Variants in ISM1 observed in about 807,000 individuals in gnomAD.
ISM1 encodes the protein isthmin 1.
A neutral mutation model predicts 46.3 loss-of-function variants in ISM1; 25 were observed. The observed-to-expected ratio is 0.54, with a 90% CI of 0.39 to 0.75. ISM1 has a LOEUF of 0.75. Among genes scored for constraint, ISM1 ranks in the 30% least tolerant of loss-of-function variants. ISM1 has a pLI of 0.00. For synonymous variants in ISM1, 255 were observed against 256.7 expected (o/e 0.99, Z 0.06); for missense variants, 536 against 625.4 (o/e 0.86, Z 1.52).
chr20:13,302,028 TAAG>T (rs1337937211), downstream of ISM1, among the ~76,000 whole-genome samples: 21 of 152,222 alleles, frequency 1.4e-4, no homozygotes, highest in African/African-American at 5.1e-4. Context: ...AAGAAATAGG[TAAG>T]TACTTGGTGT....
chr20:13,255,004 C>T (rs1438526052), intron 1 of ISM1, among the ~76,000 whole-genome samples: 5 of 152,208 alleles, frequency 3.3e-5, no homozygotes, highest in Admixed American at 6.5e-5. Context: ...AGAACAGACA[C>T]GGTCCCTGCC....
rs775330290 is a variant in ISM1, at chr20:13,299,272, C to G, written c.1208C>G (p.Pro403Arg). The G allele has an allele frequency of 1.9e-6, 3 of 1,610,500 alleles. No individual in the cohort carries two copies. The African/African-American group carries it at 4.0e-5, about 22-fold the overall frequency. The change falls in exon 6 of 6, where the codon CCC (proline) becomes CGC (arginine). Residue 403 changes from proline (P) to arginine (R), a missense_variant. By Grantham distance (103) the Pro-to-Arg change is moderately radical. Transcript: ENST00000262487. The surrounding 1 kb of genome is among the most constrained non-coding windows in gnomAD (Gnocchi z 5.8). ...LITRGKGAGT[P>R]NLISTEFSAE... ...ACCAGGGGCAAGGGGGCGGGCACGC[C>G]CAACCTCATCAGCACCGAGTTCTCC...
the ISM1 span, among the ~76,000 whole-genome samples, chr20:13,321,147 A>C: frequency 6.6e-6 from 1 of 150,798 alleles, no homozygotes; most frequent in Non-Finnish European, 1.5e-5. Context: ...GGTTTCCGTG[A>C]GCTGAGATCA....
chr20:13,298,873 G>T (rs1362498435), intron 5 of ISM1, 69 bp from the exon 6 acceptor site: 3 of 1,518,996 alleles, frequency 2.0e-6, no homozygotes, highest in Non-Finnish European at 1.8e-6. Flanking sequence ...GGTGTCACAT[G>T]CTCCTTGAAG....
intron 1 of ISM1, 43 bp downstream of exon 1, chr20:13,221,957 G>C: frequency 7.7e-6 from 10 of 1,304,246 alleles, no homozygotes; most frequent in Non-Finnish European, 9.7e-6. Context: ...CTGCGGGGAC[G>C]GTTTGTGGGG....
At chr20:13,321,442 C>T in the ISM1 span, among the ~76,000 whole-genome samples, 8 of 152,150 alleles carry the variant, frequency 5.3e-5, no homozygotes, top group South Asian at 2.1e-4. Flanking sequence ...AGGGGATTGT[C>T]GCTTGGATCC....
intron 5 of ISM1, among the ~76,000 whole-genome samples, chr20:13,297,003 G>A (rs1435377037): frequency 1.3e-5 from 2 of 151,966 alleles, no homozygotes; most frequent in African/African-American, 4.8e-5. Flanking sequence ...GGGTGACATA[G>A]TGAGACTCCA....
the ISM1 span, among the ~76,000 whole-genome samples, chr20:13,306,270 T>C: frequency 6.6e-6 from 1 of 152,198 alleles, no homozygotes; most frequent in Admixed American, 6.5e-5. Flanking sequence ...AAAGGAATTT[T>C]TTTTCTATGT....
chr20:13,251,431 G>A (rs370028817), intron 1 of ISM1, among the ~76,000 whole-genome samples: 19 of 152,296 alleles, frequency 1.2e-4, no homozygotes, highest in East Asian at 5.8e-4. Flanking sequence ...TCAAACATGC[G>A]TCGTGGAATC....
intron 1 of ISM1, among the ~76,000 whole-genome samples, chr20:13,239,949 G>A (rs560595735): frequency 6.6e-6 from 1 of 152,332 alleles, no homozygotes; most frequent in South Asian, 2.1e-4. Flanking sequence ...GAGAATTAGA[G>A]TAAGTGTACA....
chr20:13,271,892 C>T (rs562873383), intron 2 of ISM1, among the ~76,000 whole-genome samples: 1 of 152,308 alleles, frequency 6.6e-6, no homozygotes, highest in East Asian at 1.9e-4. Context: ...GATCCTCCCA[C>T]CTCAGCCTCC....
At chr20:13,269,934 A>AGGATGGATGGATGGATGGATGGATGGAT (rs60897306) in intron 1 of ISM1, among the ~76,000 whole-genome samples, 4 of 149,798 alleles carry the variant, frequency 2.7e-5, no homozygotes, top group East Asian at 2.0e-4. Flanking sequence ...TGTGGGTGGA[A>AGGATGGATGGATGGATGGATGGATGGAT]GGATGGATGG....
At chr20:13,246,265 T>C in intron 1 of ISM1, among the ~76,000 whole-genome samples, 1 of 130,488 alleles carries the variant, frequency 7.7e-6, no homozygotes, top group African/African-American at 3.2e-5. Flanking sequence ...ACAGCGAGAC[T>C]CCATCTCAAA....
chr20:13,270,387 C>T lies in ISM1; in HGVS notation c.139-117C>T, dbSNP rs149315925. ...TGCAAAACAAGTTTGGAATGCCCTACTGGCTTAATTTCAGCCACTGGAATT... is the reference window on the plus strand; with the variant it reads ...TGCAAAACAAGTTTGGAATGCCCTATTGGCTTAATTTCAGCCACTGGAATT... On this transcript the variant is annotated intron_variant, in intron 1 of 5. Coordinates refer to ENST00000262487, the MANE Select transcript of ISM1 (RefSeq NM_080826.2). 1.7e-3 allele frequency: 1,991 copies of T among 1,174,804 alleles called. 6 individuals carry two copies. Among genetic ancestry groups the T allele is most frequent in the Non-Finnish European group, 2.1e-3 (1,746 of 843,588 alleles). 72.8% of individuals were successfully genotyped at this position (1,174,804 alleles called of 1,614,324 possible).
the ISM1 span, among the ~76,000 whole-genome samples, chr20:13,317,086 C>T: frequency 0.12 from 18,930 of 151,796 alleles, 1,284 homozygotes; most frequent in Admixed American, 0.18. Context: ...GCAATTATAG[C>T]GGCATTGCAG....
intron 1 of ISM1, among the ~76,000 whole-genome samples, chr20:13,247,530 G>C (rs924301079): frequency 1.3e-5 from 2 of 150,850 alleles, no homozygotes; most frequent in Admixed American, 1.3e-4. Flanking sequence ...GTGTGTGTGT[G>C]TGTGTGTGTG....
chr20:13,253,516 A>G (rs934600123), intron 1 of ISM1, among the ~76,000 whole-genome samples: 6 of 152,172 alleles, frequency 3.9e-5, no homozygotes, highest in Non-Finnish European at 5.9e-5. Flanking sequence ...CTTACCGACT[A>G]TCAGCCACTG....
At chr20:13,239,174 A>C (rs2039688090) in intron 1 of ISM1, 1 of 152,244 alleles carries the variant, frequency 6.6e-6, no homozygotes, top group African/African-American at 2.4e-5. Flanking sequence ...CAGGTATTAA[A>C]TAGAAATAAT....
At chr20:13,222,816 G>A (rs1057378090) in intron 1 of ISM1, among the ~76,000 whole-genome samples, 2 of 152,166 alleles carry the variant, frequency 1.3e-5, no homozygotes, top group African/African-American at 4.8e-5. Context: ...TTGGAGCATA[G>A]GCAAAAGCAA....
Sources: allele counts gnomAD v4.1 joint callset (sites outside exome capture counted in the v4.1 genomes callset), GRCh38; gene constraint gnomAD v4.1.1; non-coding constraint Gnocchi (gnomAD v3.1); transcripts MANE v1.5; gene names NCBI Gene and HGNC (gene_info 2026-07-23, HGNC 2026-07-21).